The following RALYL variants were observed in gnomAD, a reference collection of about 807,000 sequenced individuals.
RALYL encodes RNA-binding Raly-like protein.
RALYL carries 29 observed loss-of-function variants against 35.1 expected under a neutral mutation model. The ratio of observed to expected loss-of-function variants is 0.83; its 90% CI spans 0.61 to 1.13. RALYL has a LOEUF of 1.13. Among genes scored for constraint, RALYL ranks in the 50% most tolerant of loss-of-function variants. The pLI is 0.00. For missense variants in RALYL, 359 were observed against 360.4 expected, an observed-to-expected ratio of 1.00 and a Z score of 0.03; for synonymous variants, 120 against 127.6, an observed-to-expected ratio of 0.94 and a Z score of 0.40.
intron 1 of RALYL, among the ~76,000 whole-genome samples, chr8:84,369,247 A>C (rs369125477): frequency 6.6e-6 from 1 of 152,146 alleles, no homozygotes; most frequent in Non-Finnish European, 1.5e-5. Flanking sequence ...GAAATCCAAT[A>C]AATTCTTGAC....
At chr8:84,534,437 A>T (rs1012944253) in intron 2 of RALYL, among the ~76,000 whole-genome samples, 2 of 152,124 alleles carry the variant, frequency 1.3e-5, no homozygotes, top group African/African-American at 4.8e-5. Context: ...TTGTATTTTT[A>T]TATTTATTAT....
chr8:84,525,679 A>C (rs2058824961), intron 1 of RALYL, among the ~76,000 whole-genome samples: 2 of 152,084 alleles, frequency 1.3e-5, no homozygotes, highest in Non-Finnish European at 2.9e-5. Flanking sequence ...TTTTATCCCT[A>C]TACTACATTT....
At chr8:84,290,687 C>A (rs1200070654) in intron 1 of RALYL, among the ~76,000 whole-genome samples, 2 of 152,148 alleles carry the variant, frequency 1.3e-5, no homozygotes, top group African/African-American at 4.8e-5. Flanking sequence ...TTACTTCAGG[C>A]CATCTGGGCG....
At chr8:84,673,812 A>C (rs1417600600) in intron 2 of RALYL, among the ~76,000 whole-genome samples, 1 of 152,120 alleles carries the variant, frequency 6.6e-6, no homozygotes, top group African/African-American at 2.4e-5. Flanking sequence ...TGGGTAGTGC[A>C]ACGCCTCCAG....
At chr8:84,691,956 T>C (rs1258346379) in intron 2 of RALYL, among the ~76,000 whole-genome samples, 1 of 151,952 alleles carries the variant, frequency 6.6e-6, no homozygotes, top group Non-Finnish European at 1.5e-5. Context: ...TTTAAAAATA[T>C]ACCAAAATAT....
chr8:84,652,251 A>T (rs1037941881), intron 2 of RALYL, among the ~76,000 whole-genome samples: 1 of 152,138 alleles, frequency 6.6e-6, no homozygotes, highest in Non-Finnish European at 1.5e-5. Context: ...ATACCTAAAA[A>T]CTTAGAAATT....
intron 7 of RALYL, among the ~76,000 whole-genome samples, chr8:84,876,342 AT>A (rs922880849): frequency 1.3e-5 from 2 of 152,120 alleles, no homozygotes; most frequent in African/African-American, 2.4e-5. Context: ...TGCATGTATT[AT>A]TTTTTCCATT....
At chr8:84,232,176 C>A (rs1201824959) in intron 1 of RALYL, among the ~76,000 whole-genome samples, 1 of 152,054 alleles carries the variant, frequency 6.6e-6, no homozygotes, top group East Asian at 1.9e-4. Context: ...ATTTGGCTGA[C>A]TTAGAATGTG....
intron 1 of RALYL, among the ~76,000 whole-genome samples, chr8:84,444,384 C>G (rs1404701084): frequency 6.6e-6 from 1 of 151,674 alleles, no homozygotes; most frequent in African/African-American, 2.4e-5. Flanking sequence ...CCACACACAC[C>G]CAAAACAAGA....
At chr8:84,502,004 G>T (rs1001050687) in intron 1 of RALYL, among the ~76,000 whole-genome samples, 4 of 151,576 alleles carry the variant, frequency 2.6e-5, no homozygotes, top group African/African-American at 9.7e-5. Context: ...TATTGTAAAG[G>T]TGTAGATTTT....
chr8:84,330,757 T>A (rs891849667), intron 1 of RALYL, among the ~76,000 whole-genome samples: 1 of 152,070 alleles, frequency 6.6e-6, no homozygotes, highest in Non-Finnish European at 1.5e-5. Context: ...TCAATCATAC[T>A]TTTTCAAACT....
At chr8:84,513,303 T>C (rs2057774531) in intron 1 of RALYL, among the ~76,000 whole-genome samples, 1 of 152,192 alleles carries the variant, frequency 6.6e-6, no homozygotes, top group Admixed American at 6.5e-5. Context: ...TTCTTTGATT[T>C]ATTTTTTAGC....
chr8:84,788,012 C>G (rs1343277357), intron 3 of RALYL, among the ~76,000 whole-genome samples: 2 of 152,144 alleles, frequency 1.3e-5, no homozygotes, highest in African/African-American at 2.4e-5. Flanking sequence ...TGCAGAAGCT[C>G]TTTAGTTTAG....
chr8:84,519,678 A>T (rs1206212677), intron 1 of RALYL, among the ~76,000 whole-genome samples: 1 of 152,192 alleles, frequency 6.6e-6, no homozygotes, highest in Non-Finnish European at 1.5e-5. Flanking sequence ...TGGCTTCTAG[A>T]CCTTCTTTTA....
At chr8:84,714,030 TCA>T (rs370280872) in intron 2 of RALYL, among the ~76,000 whole-genome samples, 6 of 148,306 alleles carry the variant, frequency 4.0e-5, no homozygotes, top group African/African-American at 4.9e-5. Flanking sequence ...ACACACATAC[TCA>T]CACACACACA....
At chr8:84,423,180 G>A (rs1698294840) in intron 1 of RALYL, among the ~76,000 whole-genome samples, 1 of 151,346 alleles carries the variant, frequency 6.6e-6, no homozygotes, top group African/African-American at 2.5e-5. Flanking sequence ...ATGTGTGGGA[G>A]TCTAAGTCTC....
In RALYL at chr8:84,450,961, A is replaced by G. The variant is rs543355817; in HGVS notation, c.-23-78338A>G. On this transcript the variant is annotated intron_variant, in intron 1 of 8. Transcript: ENST00000521268. ...TGCTTATGTCTGGGTGTCTGTTCCC[A>G]ATGCTCAGGAGCTGCAAACTGAGTA... Among the ~76,000 whole-genome samples, 23 of 152,128 alleles carry G rather than the reference A, an allele frequency of 1.5e-4. 1 individual carries two copies. The South Asian group carries it at 4.8e-3, about 32-fold the overall frequency.
rs1401110122 is a variant in RALYL at position 84,623,473 on chromosome 8, C to T, written c.256+93896C>T. Among the ~76,000 whole-genome samples, 3 of 148,588 alleles carry T rather than the reference C, an allele frequency of 2.0e-5. No individual in the cohort carries two copies. In the East Asian group the frequency reaches 5.8e-4, roughly 29 times the overall value. ...AAAAATATTTTACCCCTTAGGTCAT[C>T]CTACTGTCCTGTAAGTTACCAACAG... is the stretch of plus-strand genomic sequence containing the variant. On this transcript the variant is annotated intron_variant, in intron 2 of 8. Transcript: ENST00000521268.
intron 2 of RALYL, among the ~76,000 whole-genome samples, chr8:84,695,158 T>C (rs992164572): frequency 6.6e-6 from 1 of 151,818 alleles, no homozygotes; most frequent in Non-Finnish European, 1.5e-5. Flanking sequence ...TCACTGTTTC[T>C]TGATAATGTG....
Sources: gnomAD v4.1 joint callset for allele counts (sites outside exome capture counted in the v4.1 genomes callset) on GRCh38, gnomAD v4.1.1 for gene constraint, MANE v1.5 for transcripts, NCBI Gene and HGNC (gene_info 2026-07-23, HGNC 2026-07-21) for gene names.